The following TBC1D1 variants were observed in gnomAD, a reference collection of about 807,000 sequenced individuals.
The protein encoded by TBC1D1 is TBC1 (tre-2/USP6, BUB2, cdc16) domain family, member 1.
In TBC1D1, 89 loss-of-function variants were observed where a neutral mutation model predicts 125.6. The ratio of observed to expected loss-of-function variants is 0.71; its 90% confidence interval spans 0.60 to 0.85. The LOEUF is 0.85. Ranked by LOEUF, TBC1D1 falls within the 40% of genes least tolerant of loss-of-function variation. TBC1D1 has a pLI of 0.00. For synonymous variants in TBC1D1, 565 were observed against 564.1 expected (o/e 1.00, Z -0.02); for missense variants, 1,377 against 1,469.2 (o/e 0.94, Z 1.03).
At chr4:38,103,501 A>G (rs1397480168) in intron 15 of TBC1D1, among the ~76,000 whole-genome samples, 1 of 152,236 alleles carries the variant, frequency 6.6e-6, no homozygotes, top group Non-Finnish European at 1.5e-5. Flanking sequence ...ATAGATGTTC[A>G]GAACCGAGGC....
chr4:38,109,786 T>C (rs1288926710), intron 15 of TBC1D1, among the ~76,000 whole-genome samples: 1 of 152,252 alleles, frequency 6.6e-6, no homozygotes, highest in Non-Finnish European at 1.5e-5. Context: ...GGGCAACTGA[T>C]AACCAAGTGA....
At chr4:38,108,778 A>C (rs148482461) in intron 15 of TBC1D1, among the ~76,000 whole-genome samples, 21 of 152,400 alleles carry the variant, frequency 1.4e-4, no homozygotes, top group African/African-American at 4.8e-4. Context: ...GGTAAGAAGT[A>C]GGAGAACATT....
intron 15 of TBC1D1, among the ~76,000 whole-genome samples, chr4:38,103,507 G>A (rs1055054418): frequency 1.3e-5 from 2 of 152,174 alleles, no homozygotes; most frequent in African/African-American, 2.4e-5. Context: ...GTTCAGAACC[G>A]AGGCTTGGTT....
intron 1 of TBC1D1, among the ~76,000 whole-genome samples, chr4:37,899,437 G>A (rs1000986800): frequency 6.6e-6 from 1 of 152,152 alleles, no homozygotes; most frequent in African/African-American, 2.4e-5. Flanking sequence ...GCACCATTAG[G>A]GTGTATGTGG....
chr4:37,953,334 A>C (rs1336970097), intron 2 of TBC1D1, among the ~76,000 whole-genome samples: 1 of 152,214 alleles, frequency 6.6e-6, no homozygotes, highest in Non-Finnish European at 1.5e-5. Context: ...TTAATATCAG[A>C]CTTTATTAAA....
intron 2 of TBC1D1, among the ~76,000 whole-genome samples, chr4:37,914,452 C>G (rs553337214): frequency 6.6e-6 from 1 of 152,258 alleles, no homozygotes; most frequent in African/African-American, 2.4e-5. Context: ...CCAAATTATT[C>G]AACCCATTGC....
rs532002710 is a variant in TBC1D1, at chr4:37,929,952, C to T, written c.417+27440C>T. Among the ~76,000 whole-genome samples, 5 of 152,308 alleles carry T rather than the reference C, an allele frequency of 3.3e-5. No individual in the cohort carries two copies. The South Asian group carries it at 1.0e-3, about 32-fold the overall frequency. On this transcript the variant is annotated intron_variant, in intron 2 of 19. Coordinates refer to ENST00000261439, the MANE Select transcript of TBC1D1 (RefSeq NM_015173.4). Reference sequence around the variant, plus strand: ...AATGAAAAATAACTATGGCCACACTCTGAACAGTGGTTTGCTACTGTCCAC... The same window carrying T: ...AATGAAAAATAACTATGGCCACACTTTGAACAGTGGTTTGCTACTGTCCAC...
chr4:37,944,616 G>C (rs940884934), intron 2 of TBC1D1, among the ~76,000 whole-genome samples: 5 of 152,226 alleles, frequency 3.3e-5, no homozygotes, highest in Middle Eastern at 3.2e-3. Flanking sequence ...GGGTCCATGG[G>C]TGTGGAACCC....
chr4:37,948,488 GT>G (rs1201727586), intron 2 of TBC1D1, among the ~76,000 whole-genome samples: 17 of 152,058 alleles, frequency 1.1e-4, no homozygotes, highest in Non-Finnish European at 1.0e-4. Context: ...TTTGCTGAGC[GT>G]GGTGGCGCAT....
intron 2 of TBC1D1, chr4:37,960,722 G>C: frequency 6.2e-7 from 1 of 1,614,156 alleles, no homozygotes; most frequent in Non-Finnish European, 8.5e-7. Flanking sequence ...TGACCGAGAA[G>C]ACTGTTAAAA....
intron 14 of TBC1D1, among the ~76,000 whole-genome samples, chr4:38,101,762 G>A (rs933310680): frequency 1.7e-4 from 26 of 152,120 alleles, no homozygotes; most frequent in Non-Finnish European, 7.4e-5. Flanking sequence ...GCTACCAAAC[G>A]TGGGGCAGGT....
chr4:38,037,542 C>T (rs1489063410), intron 8 of TBC1D1, among the ~76,000 whole-genome samples: 1 of 152,138 alleles, frequency 6.6e-6, no homozygotes, highest in East Asian at 1.9e-4. Flanking sequence ...TTGAGATTCA[C>T]TGATAGATCC....
Position 37,902,425 on chromosome 4 carries a change from C to A in TBC1D1, c.330C>A (p.Asp110Glu). Residue 110 changes from aspartate (D) to glutamate (E), a missense_variant, in exon 2 of 20, where the codon GAC (aspartate) becomes GAA (glutamate). Around this residue, in one of 3 missense-constraint regions of TBC1D1, gnomAD observed 822 missense variants for 824.6 expected, o/e 1.00. Coordinates refer to ENST00000261439, the MANE Select transcript of TBC1D1 (RefSeq NM_015173.4). ...ACAAACTGATTCACAACAGTCATGA[C>A]CCAAGTTACTTTGCTTGTCTGATTA... is the stretch of plus-strand genomic sequence containing the variant. 1.2e-6 allele frequency: 2 copies of A among 1,614,132 alleles called. No individual in the cohort carries two copies. Among genetic ancestry groups the A allele is most frequent in the South Asian group, 1.1e-5 (1 of 91,082 alleles).
At position 38,125,064 on chromosome 4, in the gene TBC1D1, T is replaced by C. The variant is rs1384765881; in HGVS notation, c.3065T>C (p.Ile1022Thr). ...CTGCAGCATGAAAACCTAGAAACCA[T>C]AGTTGACTTTATAAAAAGCACGCTA... Residue 1022 changes from isoleucine to threonine, a missense_variant, in exon 18 of 20, where the codon ATA (isoleucine) becomes ACA (threonine). Around this residue, in one of 3 missense-constraint regions of TBC1D1, gnomAD observed 543 missense variants for 613.5 expected, o/e 0.89. Transcript: ENST00000261439. 1.2e-6 allele frequency: 2 copies of C among 1,614,072 alleles called. No homozygotes were observed. The highest frequency in any genetic ancestry group is 2.2e-5 in the South Asian group (2 of 91,076).
chr4:38,093,920 CAT>C (rs1758882469), intron 13 of TBC1D1, among the ~76,000 whole-genome samples: 1 of 152,146 alleles, frequency 6.6e-6, no homozygotes, highest in South Asian at 2.1e-4. Flanking sequence ...TTGGTGTTGA[CAT>C]GTTATTACCA....
At chr4:37,949,466 C>T (rs192677722) in intron 2 of TBC1D1, among the ~76,000 whole-genome samples, 220 of 152,330 alleles carry the variant, frequency 1.4e-3, no homozygotes, top group Middle Eastern at 6.8e-3. Context: ...TGTTGTAGCA[C>T]GTACTGCGGT....
At chr4:38,075,514 A>G (rs1755437263) in intron 12 of TBC1D1, among the ~76,000 whole-genome samples, 1 of 152,186 alleles carries the variant, frequency 6.6e-6, no homozygotes, top group African/African-American at 2.4e-5. Flanking sequence ...GGGTTGGGAG[A>G]AGAATTGGTT....
chr4:37,936,901 A>G (rs1334437102), intron 2 of TBC1D1, among the ~76,000 whole-genome samples: 1 of 152,240 alleles, frequency 6.6e-6, no homozygotes, highest in African/African-American at 2.4e-5. Context: ...AACAAATTGT[A>G]GGTCAGGGTT....
intron 18 of TBC1D1, among the ~76,000 whole-genome samples, chr4:38,125,562 A>G (rs1317614207): frequency 2.0e-5 from 3 of 152,082 alleles, no homozygotes; most frequent in Non-Finnish European, 4.4e-5. Context: ...CAAAGTTATG[A>G]TAGGGAACAT....
Sources: allele counts gnomAD v4.1 joint callset (sites outside exome capture counted in the v4.1 genomes callset), GRCh38; gene constraint gnomAD v4.1.1; regional missense constraint gnomAD v4.1.1; transcripts MANE v1.5; gene names NCBI Gene and HGNC (gene_info 2026-07-23, HGNC 2026-07-21).